The following AUTS2 variants were observed in gnomAD, a reference collection of about 807,000 sequenced individuals.
AUTS2 encodes the protein activator of transcription and developmental regulator AUTS2, also known as autism susceptibility gene 2 protein.
Under a neutral mutation model 112.4 loss-of-function variants are expected in AUTS2, and 17 were observed. The ratio of observed to expected loss-of-function variants is 0.15; its 90% CI spans 0.10 to 0.23. The LOEUF (loss-of-function observed/expected upper bound fraction) is 0.23, where lower values mean the gene tolerates loss of function less well. Among genes scored for constraint, AUTS2 ranks in the 10% least tolerant of loss-of-function variants. The pLI is 1.00. For synonymous variants in AUTS2, 751 were observed against 702.7 expected, an observed-to-expected ratio of 1.07 and a Z score of -1.09; for missense variants, 1,510 against 1,701.6, an observed-to-expected ratio of 0.89 and a Z score of 1.98.
chr7:69,658,095 G>C (rs1562790906), intron 1 of AUTS2, among the ~76,000 whole-genome samples: 1 of 152,202 alleles, frequency 6.6e-6, no homozygotes, highest in Admixed American at 6.5e-5. Context: ...GAATTTCAGT[G>C]TTCATAAATA....
chr7:70,657,810 G>A (rs1806852525), intron 5 of AUTS2, among the ~76,000 whole-genome samples: 1 of 152,122 alleles, frequency 6.6e-6, no homozygotes, highest in Non-Finnish European at 1.5e-5. Flanking sequence ...GACCACGTGT[G>A]AACAAGTAAC....
intron 2 of AUTS2, among the ~76,000 whole-genome samples, chr7:69,938,345 A>G (rs1402113906): frequency 4.6e-5 from 7 of 152,150 alleles, no homozygotes; most frequent in Non-Finnish European, 7.3e-5. Flanking sequence ...ACACCTTACC[A>G]AACTCCAGGA....
chr7:69,663,921 A>G (rs966257460), intron 1 of AUTS2, among the ~76,000 whole-genome samples: 15 of 152,360 alleles, frequency 9.8e-5, no homozygotes, highest in African/African-American at 3.6e-4. Context: ...GAATCAAACA[A>G]ATTGTAATGC....
At chr7:69,845,230 T>C (rs954603974) in intron 1 of AUTS2, among the ~76,000 whole-genome samples, 2 of 152,160 alleles carry the variant, frequency 1.3e-5, no homozygotes, top group African/African-American at 2.4e-5. Flanking sequence ...TCCTGGTACC[T>C]TTTTCCTCCT....
At chr7:70,350,204 A>G (rs578062794) in intron 4 of AUTS2, among the ~76,000 whole-genome samples, 16 of 152,350 alleles carry the variant, frequency 1.1e-4, no homozygotes, top group African/African-American at 3.6e-4. Flanking sequence ...AACAAGTTTC[A>G]TGGTCCTTGA....
intron 1 of AUTS2, among the ~76,000 whole-genome samples, chr7:69,804,794 G>T (rs1790229408): frequency 6.6e-6 from 1 of 152,192 alleles, no homozygotes; most frequent in Admixed American, 6.5e-5. Flanking sequence ...TCAAAGTGTG[G>T]TCTTCGAAGC....
At chr7:70,750,377 G>A (rs1274370723) in intron 6 of AUTS2, among the ~76,000 whole-genome samples, 1 of 125,070 alleles carries the variant, frequency 8.0e-6, no homozygotes, top group African/African-American at 4.4e-5. Flanking sequence ...ATGCTGGAGT[G>A]CAGTGGCATT....
chr7:70,487,949 G>A (rs959546290), intron 5 of AUTS2, among the ~76,000 whole-genome samples: 2 of 152,202 alleles, frequency 1.3e-5, no homozygotes, highest in Non-Finnish European at 2.9e-5. Context: ...GGTGGGCCAA[G>A]AGAGAAGCCC....
intron 5 of AUTS2, among the ~76,000 whole-genome samples, chr7:70,448,394 T>C (rs1363983022): frequency 1.3e-5 from 2 of 152,322 alleles, no homozygotes; most frequent in East Asian, 3.9e-4. Flanking sequence ...ATGGCTTTTC[T>C]CACTGAGAAA....
chr7:69,654,991 T>C (rs1795457883), intron 1 of AUTS2, among the ~76,000 whole-genome samples: 1 of 152,208 alleles, frequency 6.6e-6, no homozygotes, highest in Non-Finnish European at 1.5e-5. Flanking sequence ...GGTTAATTTG[T>C]GCTCCTGTCT....
chr7:70,539,804 T>A (rs35614840), intron 5 of AUTS2, among the ~76,000 whole-genome samples: 1 of 151,990 alleles, frequency 6.6e-6, no homozygotes, highest in South Asian at 2.1e-4. Context: ...CACTCTGGTG[T>A]CTGCTGTGCG....
Position 70,766,091 on chromosome 7 carries a change from G to T in AUTS2, c.1469-23G>T. Reference sequence around the variant, plus strand: ...CTTTTCTGAAGGAAAAGGCGTCATCGTCTCCCTCTTCTTCTCTTCCAGAGC... The same window carrying T: ...CTTTTCTGAAGGAAAAGGCGTCATCTTCTCCCTCTTCTTCTCTTCCAGAGC... On this transcript the variant is annotated intron_variant, in intron 8 of 18. Coordinates refer to ENST00000342771, the MANE Select transcript of AUTS2 (RefSeq NM_015570.4). The surrounding 1 kb of genome is among the most constrained non-coding windows in gnomAD (Gnocchi z 4.8). 1 of 1,605,830 alleles carries T rather than the reference G, an allele frequency of 6.2e-7. No individual in the cohort carries two copies. The highest frequency in any genetic ancestry group is 8.5e-7 in the Non-Finnish European group (1 of 1,173,478).
At chr7:69,687,373 A>G (rs1372357861) in intron 1 of AUTS2, among the ~76,000 whole-genome samples, 4 of 152,310 alleles carry the variant, frequency 2.6e-5, no homozygotes, top group South Asian at 2.1e-4. Context: ...TGTAAGTGCA[A>G]GGTAGGCACT....
chr7:69,848,746 G>C (rs1160612936), intron 1 of AUTS2, among the ~76,000 whole-genome samples: 1 of 152,054 alleles, frequency 6.6e-6, no homozygotes, highest in Non-Finnish European at 1.5e-5. Context: ...TTTTTCTTAA[G>C]ACTGTCTAGG....
chr7:70,195,953 A>G (rs1268214251), intron 4 of AUTS2, among the ~76,000 whole-genome samples: 2 of 152,174 alleles, frequency 1.3e-5, no homozygotes, highest in Non-Finnish European at 2.9e-5. Flanking sequence ...TATTGTCATT[A>G]TCTGGAGAAA....
At chr7:70,425,181 G>T (rs889510342) in intron 4 of AUTS2, among the ~76,000 whole-genome samples, 1 of 152,224 alleles carries the variant, frequency 6.6e-6, no homozygotes, top group African/African-American at 2.4e-5. Flanking sequence ...AGGAAGAATG[G>T]TTGCAGCAGC....
intron 1 of AUTS2, among the ~76,000 whole-genome samples, chr7:69,658,300 A>G (rs1795635314): frequency 6.6e-6 from 1 of 152,228 alleles, no homozygotes; most frequent in Non-Finnish European, 1.5e-5. Context: ...TATAGTGTAA[A>G]TGCTTATTGT....
intron 5 of AUTS2, among the ~76,000 whole-genome samples, chr7:70,530,197 G>A (rs1425280157): frequency 6.6e-6 from 1 of 152,186 alleles, no homozygotes; most frequent in African/African-American, 2.4e-5. Flanking sequence ...GCGTTGTGCT[G>A]TGTGCAAATG....
At chr7:69,605,815 A>G (rs1305055908) in intron 1 of AUTS2, among the ~76,000 whole-genome samples, 2 of 152,208 alleles carry the variant, frequency 1.3e-5, no homozygotes, top group East Asian at 3.9e-4. Context: ...TTCTGAAAGT[A>G]TGCATAGCTT....
Sources: allele counts gnomAD v4.1 joint callset (sites outside exome capture counted in the v4.1 genomes callset), GRCh38; gene constraint gnomAD v4.1.1; non-coding constraint Gnocchi (gnomAD v3.1); transcripts MANE v1.5; gene names NCBI Gene and HGNC (gene_info 2026-07-23, HGNC 2026-07-21).